FHIT: variants seen among roughly 807,000 people sequenced by gnomAD.
The protein encoded by FHIT is fragile histidine triad diadenosine triphosphatase.
Under a neutral mutation model 17.9 loss-of-function variants are expected in FHIT, and 19 were observed. That is an observed-to-expected ratio of 1.06 (90% CI 0.74 to 1.56). FHIT has a LOEUF of 1.56. Ranked by LOEUF, FHIT falls within the 40% of genes most tolerant of loss-of-function variation. The pLI, the probability that FHIT is intolerant of heterozygous loss-of-function variation, is 0.00. For synonymous variants in FHIT, 81 were observed against 69.7 expected (o/e 1.16, Z -0.81); for missense variants, 248 against 189.2 (o/e 1.31, Z -1.82).
rs147287220 is a variant in FHIT, at chr3:59,747,336, G to C, written c.*2249C>G. ...AATCATGGAGGAAGGCAAAAGAGGA[G>C]CAAAGCCACATCTTACATGGCAGCA... On this transcript the variant is annotated 3_prime_UTR_variant, in exon 10 of 10. Transcript: ENST00000492590. Among the ~76,000 whole-genome samples the C allele has an allele frequency of 6.6e-6, 1 of 152,126 alleles. No homozygotes were observed. Among genetic ancestry groups the C allele is most frequent in the Non-Finnish European group, 1.5e-5 (1 of 68,020 alleles).
chr3:60,056,969 T>C (rs1467172167), intron 5 of FHIT, among the ~76,000 whole-genome samples: 1 of 152,150 alleles, frequency 6.6e-6, no homozygotes, highest in Non-Finnish European at 1.5e-5. Context: ...TTGCCATCCC[T>C]GCCTGAAAGT....
intron 4 of FHIT, among the ~76,000 whole-genome samples, chr3:60,641,054 C>T (rs557553643): frequency 7.9e-5 from 12 of 152,088 alleles, no homozygotes; most frequent in Non-Finnish European, 1.6e-4. Flanking sequence ...GTGGTGGGTA[C>T]CTGTAATCCC....
At chr3:60,087,984 C>T (rs1022076544) in intron 5 of FHIT, among the ~76,000 whole-genome samples, 8 of 152,144 alleles carry the variant, frequency 5.3e-5, no homozygotes, top group African/African-American at 1.7e-4. Context: ...ATGTGGATCA[C>T]AATTCTAATG....
Position 60,569,809 on chromosome 3 carries a change from C to T in FHIT, c.-17-32830G>A, listed in dbSNP as rs1287940356. Reference sequence around the variant, plus strand: ...TATTGTCACCCAGGCTGGAGTGCAACGGCACAATCTCGGCTCACTGCAACC... The same window carrying T: ...TATTGTCACCCAGGCTGGAGTGCAATGGCACAATCTCGGCTCACTGCAACC... On this transcript the variant is annotated intron_variant, in intron 4 of 9. Coordinates refer to ENST00000492590, the MANE Select transcript of FHIT (RefSeq NM_002012.4). Among the ~76,000 whole-genome samples, 114 of 135,664 alleles carry T rather than the reference C, an allele frequency of 8.4e-4. 2 individuals carry two copies. The highest frequency in any genetic ancestry group is 3.3e-4 in the Admixed American group (4 of 12,002). The allele number at this position is 135,664 out of a possible 152,430, so 89.0% of individuals were successfully genotyped here.
chr3:60,375,113 A>C (rs550423173), intron 5 of FHIT, among the ~76,000 whole-genome samples: 1 of 152,044 alleles, frequency 6.6e-6, no homozygotes, highest in Admixed American at 6.5e-5. Context: ...TGAAAAAAAA[A>C]AAACAAAAAC....
chr3:60,355,440 C>T (rs1236058768), intron 5 of FHIT, among the ~76,000 whole-genome samples: 1 of 151,480 alleles, frequency 6.6e-6, no homozygotes, highest in African/African-American at 2.4e-5. Context: ...CATATCAATC[C>T]ATTTTCCATG....
chr3:60,510,132 G>A (rs1033050783), intron 5 of FHIT, among the ~76,000 whole-genome samples: 6 of 152,132 alleles, frequency 3.9e-5, no homozygotes, highest in African/African-American at 1.4e-4. Flanking sequence ...ATAAAACAAA[G>A]GTCAGGTATG....
intron 1 of FHIT, among the ~76,000 whole-genome samples, chr3:61,203,889 T>C (rs2039117360): frequency 6.6e-6 from 1 of 152,230 alleles, no homozygotes; most frequent in Non-Finnish European, 1.5e-5. Context: ...CAGAGATTTG[T>C]ACAATGTTTA....
rs530476368 is a variant in FHIT, at chr3:59,919,308, T to C, written c.348+3038A>G. Reference sequence around the variant, plus strand: ...TTGGAAGGCACTCTTTAAGTGTTCATTTTTTTTCACTTTGACCCGTTATTA... The same window carrying C: ...TTGGAAGGCACTCTTTAAGTGTTCACTTTTTTTCACTTTGACCCGTTATTA... On this transcript the variant is annotated intron_variant, in intron 8 of 9. Transcript: ENST00000492590. 4.6e-5 allele frequency among the ~76,000 whole-genome samples: 7 copies of C among 152,066 alleles called. No individual in the cohort carries two copies. In the East Asian group the frequency reaches 1.2e-3, roughly 25 times the overall value.
At chr3:59,892,108 T>C (rs1703878563) in intron 8 of FHIT, among the ~76,000 whole-genome samples, 1 of 152,242 alleles carries the variant, frequency 6.6e-6, no homozygotes, top group African/African-American at 2.4e-5. Flanking sequence ...ACCTAAAGGC[T>C]CTGTCTAAAT....
rs544930925 is a variant in FHIT at position 60,458,512 on chromosome 3, A to G, written c.103+78348T>C. 1.7e-3 allele frequency among the ~76,000 whole-genome samples: 262 copies of G among 152,052 alleles called. 1 individual carries two copies. Among genetic ancestry groups the G allele is most frequent in the African/African-American group, 6.0e-3 (248 of 41,502 alleles). On this transcript the variant is annotated intron_variant, in intron 5 of 9. Transcript: ENST00000492590. ...TAAATGATGAGTTAATGGGTGCAGC[A>G]CACCAACATGGCACATGTATACATA...
At chr3:60,785,620 G>A (rs1329682986) in intron 4 of FHIT, among the ~76,000 whole-genome samples, 1 of 152,090 alleles carries the variant, frequency 6.6e-6, no homozygotes, top group African/African-American at 2.4e-5. Flanking sequence ...CAGGCACAGG[G>A]GGCAAAATTT....
intron 5 of FHIT, among the ~76,000 whole-genome samples, chr3:60,384,774 C>A (rs1017213588): frequency 1.4e-5 from 2 of 147,694 alleles, no homozygotes; most frequent in East Asian, 4.0e-4. Context: ...AGATACACTA[C>A]AAAACTTTAT....
intron 2 of FHIT, among the ~76,000 whole-genome samples, chr3:61,188,592 A>G (rs1230770332): frequency 3.3e-5 from 5 of 152,248 alleles, no homozygotes; most frequent in Non-Finnish European, 7.3e-5. Context: ...TGAGGCCAGC[A>G]TCATCCTGAT....
Position 60,860,463 on chromosome 3 carries a change from T to TC in FHIT, c.-110-38453_-110-38452insG, listed in dbSNP as rs1236109337. ...CATGTATATATGATACATATGTACA[T>TC]ATATATGTATATATGATACATATGT... is the stretch of plus-strand genomic sequence containing the variant. On this transcript the variant is annotated intron_variant, in intron 3 of 9. Coordinates refer to ENST00000492590, the MANE Select transcript of FHIT (RefSeq NM_002012.4). Among the ~76,000 whole-genome samples the TC allele has an allele frequency of 3.0e-5, 4 of 131,650 alleles. 1 individual carries two copies. Among genetic ancestry groups the TC allele is most frequent in the Non-Finnish European group, 6.4e-5 (4 of 62,410 alleles). The allele number at this position is 131,650 out of a possible 152,430, so 86.4% of individuals were successfully genotyped here. A position where few individuals can be genotyped will look rare whatever the true frequency, so the allele number is the denominator to read the frequency against.
At chr3:60,860,227 CATATGTAT>C (rs1462795214) in intron 3 of FHIT, among the ~76,000 whole-genome samples, 1 of 133,634 alleles carries the variant, frequency 7.5e-6, no homozygotes, top group African/African-American at 3.0e-5. Context: ...TGAGATACAT[CATATGTAT>C]ATATGGTATA....
At chr3:60,035,730 T>C (rs967572696) in intron 5 of FHIT, among the ~76,000 whole-genome samples, 5 of 152,202 alleles carry the variant, frequency 3.3e-5, no homozygotes, top group African/African-American at 1.2e-4. Context: ...TCCAATTTTG[T>C]TTCTCACTAT....
rs200932842 is a variant in FHIT at position 60,595,617 on chromosome 3, G to GTA, written c.-17-58640_-17-58639dup. On this transcript the variant is annotated intron_variant, in intron 4 of 9. Coordinates refer to ENST00000492590, the MANE Select transcript of FHIT (RefSeq NM_002012.4). ...TGTATATACGTGTAGATATATGTGTGTATGTATATATGTGTGTGTGTGTGT... is the reference window on the plus strand; with the variant it reads ...TGTATATACGTGTAGATATATGTGTGTATATGTATATATGTGTGTGTGTGTGT... 6.6e-3 allele frequency among the ~76,000 whole-genome samples: 818 copies of GTA among 124,178 alleles called. 2 individuals are homozygous for GTA. Among genetic ancestry groups the GTA allele is most frequent in the Non-Finnish European group, 9.4e-3 (591 of 62,820 alleles). The allele number at this position is 124,178 out of a possible 152,430, so 81.5% of individuals were successfully genotyped here. A position where few individuals can be genotyped will look rare whatever the true frequency, so the allele number is the denominator to read the frequency against.
At chr3:60,761,149 C>G (rs1434160179) in intron 4 of FHIT, among the ~76,000 whole-genome samples, 1 of 152,110 alleles carries the variant, frequency 6.6e-6, no homozygotes, top group South Asian at 2.1e-4. Flanking sequence ...AATACACTTT[C>G]CTGCCACTCT....
Sources: gnomAD v4.1 joint callset for allele counts (sites outside exome capture counted in the v4.1 genomes callset) on GRCh38, gnomAD v4.1.1 for gene constraint, MANE v1.5 for transcripts, NCBI Gene and HGNC (gene_info 2026-07-23, HGNC 2026-07-21) for gene names.